Variants in ARVCF observed in about 807,000 individuals in gnomAD.
The protein encoded by ARVCF is splicing regulator ARVCF.
ARVCF carries 66 observed loss-of-function variants against 90.9 expected under a neutral mutation model. The observed-to-expected ratio is 0.73, with a 90% confidence interval of 0.60 to 0.89. The LOEUF is 0.89. ARVCF is among the 40% of genes least tolerant of loss of function. The pLI is 0.00. For missense variants in ARVCF, 1,469 were observed against 1,382.3 expected, an observed-to-expected ratio of 1.06 and a Z score of -1.00; for synonymous variants, 653 against 603.4, an observed-to-expected ratio of 1.08 and a Z score of -1.21.
chr22:20,006,787 A>T (rs1944645005), intron 2 of ARVCF, among the ~76,000 whole-genome samples: 1 of 151,106 alleles, frequency 6.6e-6, no homozygotes, highest in African/African-American at 2.4e-5. Context: ...GCGTGCCACC[A>T]TGCCTAGCTA....
At chr22:19,990,885 C>A (rs1463379549) in intron 2 of ARVCF, 73 bp from the exon 3 acceptor site, 2 of 1,434,428 alleles carry the variant, frequency 1.4e-6, no homozygotes, top group African/African-American at 2.8e-5. Context: ...CCCTGCCCGC[C>A]CCACTCACAG....
downstream of ARVCF, chr22:19,968,437 GT>G (rs1455208975): frequency 3.4e-6 from 4 of 1,166,288 alleles, no homozygotes; most frequent in Admixed American, 7.9e-5. Flanking sequence ...AGGCACAGGC[GT>G]GGTGCCGTGG....
chr22:19,975,688 T>G lies in ARVCF; in HGVS notation c.1958A>C (p.Lys653Thr). Residue 653 changes from lysine (K) to threonine (T), a missense_variant and splice_region_variant, in exon 11 of 20, where the codon AAA becomes ACA. Lys to Thr is a moderately conservative substitution (Grantham distance 78). Transcript: ENST00000263207. ...LDLPKRTEAA[K>T]GFELLYQPEV... ...TGGCTTCATCTCAGCCCACTCACCT[T>G]TGGCGGCCTCAGTTCGCTTGGGCAG... 5.6e-6 allele frequency: 9 copies of G among 1,613,586 alleles called. No homozygotes were observed. The highest frequency in any genetic ancestry group is 7.6e-6 in the Non-Finnish European group (9 of 1,179,944).
chr22:19,981,107 G>C lies in ARVCF; in HGVS notation c.896+104C>G, dbSNP rs1482464675. On this transcript the variant is annotated intron_variant, in intron 5 of 19. Transcript: ENST00000263207. ...AAGGCCAATTCAAACTAACATGCAT[G>C]ACTAACTCAACTGCGCCACTTGACA... 2.2e-6 allele frequency: 3 copies of C among 1,373,584 alleles called. No individual in the cohort carries two copies. The African/African-American group carries it at 4.4e-5, about 20-fold the overall frequency. 85.1% of individuals were successfully genotyped at this position (1,373,584 alleles called of 1,614,324 possible). A position where few individuals can be genotyped will look rare whatever the true frequency, so the allele number is the denominator to read the frequency against.
intron 10 of ARVCF, among the ~76,000 whole-genome samples, 159 bp from the exon 11 acceptor site, chr22:19,975,916 GCAGA>G (rs1467030591): frequency 1.3e-5 from 2 of 152,282 alleles, no homozygotes; most frequent in South Asian, 2.1e-4. Context: ...CAGAGTTTGG[GCAGA>G]CAGTTTAGCC....
chr22:19,967,077 G>T (rs1197431036), downstream of ARVCF: 1 of 1,227,058 alleles, frequency 8.1e-7, no homozygotes, highest in Non-Finnish European at 1.0e-6. Context: ...GACCAGTTTC[G>T]TAAAGGAGTG....
At chr22:19,995,652 C>T (rs1028730461) in intron 2 of ARVCF, among the ~76,000 whole-genome samples, 1 of 152,158 alleles carries the variant, frequency 6.6e-6, no homozygotes, top group South Asian at 2.1e-4. Context: ...AATTATGGGG[C>T]CCGAGTCCAG....
At chr22:19,998,807 T>C (rs1222533362) in intron 2 of ARVCF, among the ~76,000 whole-genome samples, 1 of 151,956 alleles carries the variant, frequency 6.6e-6, no homozygotes, top group Non-Finnish European at 1.5e-5. Flanking sequence ...GGTCAGACAG[T>C]GGGAGGTCTG....
chr22:19,983,281 G>A (rs1460818811), intron 3 of ARVCF, among the ~76,000 whole-genome samples: 2 of 152,240 alleles, frequency 1.3e-5, no homozygotes, highest in Non-Finnish European at 2.9e-5. Context: ...CTGCACAATG[G>A]GTCCCTTGCC....
rs778092407 is a variant in ARVCF at position 19,977,553 on chromosome 22, G to A, written c.1732C>T (p.Leu578=). 1 of 1,571,648 alleles carries A rather than the reference G, an allele frequency of 6.4e-7. No individual in the cohort carries two copies. The highest frequency in any genetic ancestry group is 1.4e-5 in the African/African-American group (1 of 73,516). ...ACCTCCTTGTGCACGTGGTAGGACA[G>A]GTTCCGCATGATGCACACGCAGTTC... ...VENCVCIMRN[L]SYHVHKEVPG... is the part of the protein sequence containing the mutation. Residue 578 remains leucine, a synonymous_variant, in exon 9 of 20, where the codon CTG becomes TTG. Coordinates refer to ENST00000263207, the MANE Select transcript of ARVCF (RefSeq NM_001670.3).
Position 19,973,821 on chromosome 22 carries a change from G to A in ARVCF, c.2089-28C>T, listed in dbSNP as rs771037897. On this transcript the variant is annotated intron_variant, in intron 12 of 19. Coordinates refer to ENST00000263207, the MANE Select transcript of ARVCF (RefSeq NM_001670.3). ...GCGGAGGCGGGGAGAGGGTTGCTCA[G>A]ACATACATGCCAGGCACTCTCCCAC... The A allele has an allele frequency of 1.5e-5, 24 of 1,588,702 alleles. No individual in the cohort carries two copies. In the Admixed American group the frequency reaches 4.0e-4, roughly 27 times the overall value.
At chr22:19,991,927 G>A (rs573833470) in intron 2 of ARVCF, among the ~76,000 whole-genome samples, 4 of 152,348 alleles carry the variant, frequency 2.6e-5, no homozygotes, top group South Asian at 2.1e-4. Flanking sequence ...GGCCAACTCC[G>A]CTGGATCCCT....
At chr22:20,001,798 A>C (rs1944454890) in intron 2 of ARVCF, among the ~76,000 whole-genome samples, 3 of 152,342 alleles carry the variant, frequency 2.0e-5, no homozygotes, top group South Asian at 2.1e-4. Flanking sequence ...ATCTCAAAAA[A>C]AGAAAAGAAA....
Position 19,977,947 on chromosome 22 carries a change from T to G in ARVCF, c.1698+11A>C. 2 of 1,598,090 alleles carry G rather than the reference T, an allele frequency of 1.3e-6. No individual in the cohort carries two copies. The highest frequency in any genetic ancestry group is 1.7e-6 in the Non-Finnish European group (2 of 1,171,776). ...AGCCCTTGGTATGAGGCTGTGACCG[T>G]CCCTGCCCACCTTGTTGTCAGTGTC... On this transcript the variant is annotated intron_variant, in intron 8 of 19. Transcript: ENST00000263207.
At position 19,970,698 on chromosome 22, in the gene ARVCF, T is replaced by C. The variant is rs1160889008; in HGVS notation, c.*58A>G. 1 of 1,286,958 alleles carries C rather than the reference T, an allele frequency of 7.8e-7. No individual in the cohort carries two copies. The highest frequency in any genetic ancestry group is 1.2e-5 in the South Asian group (1 of 80,712). 79.7% of individuals were successfully genotyped at this position (1,286,958 alleles called of 1,614,324 possible). A position where few individuals can be genotyped will look rare whatever the true frequency, so the allele number is the denominator to read the frequency against. On this transcript the variant is annotated 3_prime_UTR_variant, in exon 20 of 20. Transcript: ENST00000263207. ...CGGCACGATCTGCTCAGGGTGGCCC[T>C]TCTTCCACGATCCAAGCCCTAAGAA...
chr22:19,984,600 A>G lies in ARVCF; in HGVS notation c.211-2509T>C, dbSNP rs555702563. 9.2e-5 allele frequency among the ~76,000 whole-genome samples: 14 copies of G among 152,314 alleles called. No individual in the cohort carries two copies. The East Asian group carries it at 2.3e-3, about 25-fold the overall frequency. On this transcript the variant is annotated intron_variant, in intron 3 of 19. Coordinates refer to ENST00000263207, the MANE Select transcript of ARVCF (RefSeq NM_001670.3). ...CATGCATATACATGACCCCTCAGAC[A>G]GGGACACATGCATGTACATACACGT...
At chr22:19,973,821 G>C (rs771037897) in intron 12 of ARVCF, 28 bp from the exon 13 acceptor site, 3 of 1,588,820 alleles carry the variant, frequency 1.9e-6, no homozygotes. Flanking sequence ...GGGTTGCTCA[G>C]ACATACATGC....
intron 2 of ARVCF, among the ~76,000 whole-genome samples, chr22:20,001,379 T>C (rs1944439956): frequency 6.6e-6 from 1 of 152,182 alleles, no homozygotes; most frequent in Admixed American, 6.5e-5. Context: ...GGGAAGACCC[T>C]TCCACCATGG....
At chr22:19,997,131 G>A (rs1192452906) in intron 2 of ARVCF, among the ~76,000 whole-genome samples, 3 of 152,216 alleles carry the variant, frequency 2.0e-5, no homozygotes, top group Non-Finnish European at 4.4e-5. Flanking sequence ...GGGACTAGGG[G>A]CTGTGTGGGG....
Sources: gnomAD v4.1 joint callset for allele counts (sites outside exome capture counted in the v4.1 genomes callset) on GRCh38, gnomAD v4.1.1 for gene constraint, MANE v1.5 for transcripts, NCBI Gene and HGNC (gene_info 2026-07-23, HGNC 2026-07-21) for gene names.